The following TENM2 variants were observed in gnomAD, a reference collection of about 807,000 sequenced individuals.
The protein encoded by TENM2 is teneurin transmembrane protein 2, also known as teneurin-2.
A neutral mutation model predicts 245.2 loss-of-function variants in TENM2; 52 were observed. The ratio of observed to expected loss-of-function variants is 0.21; its 90% CI spans 0.17 to 0.27. The LOEUF (loss-of-function observed/expected upper bound fraction) is 0.27, where lower values mean the gene tolerates loss of function less well. Ranked by LOEUF, TENM2 falls within the 10% of genes least tolerant of loss-of-function variation. The pLI, the probability that TENM2 is intolerant of heterozygous loss-of-function variation, is 1.00. For missense variants in TENM2, 3,046 were observed against 3,666.8 expected, an observed-to-expected ratio of 0.83 and a Z score of 4.37; for synonymous variants, 1,363 against 1,438.9, an observed-to-expected ratio of 0.95 and a Z score of 1.19.
intron 2 of TENM2, among the ~76,000 whole-genome samples, chr5:167,789,479 T>G (rs558936194): frequency 1.3e-5 from 2 of 152,304 alleles, no homozygotes; most frequent in African/African-American, 4.8e-5. Flanking sequence ...TTCCAACATT[T>G]CTTCTCTGGA....
chr5:168,088,064 A>G (rs1792614542), intron 7 of TENM2, among the ~76,000 whole-genome samples: 2 of 152,150 alleles, frequency 1.3e-5, no homozygotes. Context: ...ACTAGTCCTA[A>G]GCCATTTCTG....
intron 2 of TENM2, among the ~76,000 whole-genome samples, chr5:167,790,609 G>A (rs1417569128): frequency 6.6e-6 from 1 of 152,072 alleles, no homozygotes; most frequent in East Asian, 1.9e-4. Flanking sequence ...AACTGTTCTC[G>A]TCACCCCTCA....
At chr5:167,721,099 A>G (rs1561705215) in intron 2 of TENM2, among the ~76,000 whole-genome samples, 1 of 152,188 alleles carries the variant, frequency 6.6e-6, no homozygotes, top group African/African-American at 2.4e-5. Context: ...ACTTACTACA[A>G]TATTAAGGGA....
intron 3 of TENM2, among the ~76,000 whole-genome samples, chr5:167,934,123 T>G (rs1778507677): frequency 6.6e-6 from 1 of 152,164 alleles, no homozygotes; most frequent in Non-Finnish European, 1.5e-5. Flanking sequence ...TGGGACTGAT[T>G]CCCCCAGAAC....
intron 5 of TENM2, among the ~76,000 whole-genome samples, chr5:168,036,707 G>GTA (rs202165206): frequency 0.33 from 37,667 of 113,840 alleles, 6,489 homozygotes; most frequent in African/African-American, 0.45. Context: ...ATATGTATGT[G>GTA]TATATATATG....
At chr5:167,657,524 G>A (rs1254964401) in intron 2 of TENM2, among the ~76,000 whole-genome samples, 5 of 152,188 alleles carry the variant, frequency 3.3e-5, no homozygotes, top group Admixed American at 6.5e-5. Context: ...TGGATCATAT[G>A]GTAGTTTTAT....
intron 2 of TENM2, among the ~76,000 whole-genome samples, chr5:167,459,903 T>C (rs966743582): frequency 1.4e-5 from 2 of 138,740 alleles, no homozygotes; most frequent in African/African-American, 5.4e-5. Context: ...TCCTTGTATA[T>C]AAAGATAAAC....
intron 1 of TENM2, among the ~76,000 whole-genome samples, chr5:167,319,067 A>G (rs1756555834): frequency 6.6e-6 from 1 of 152,222 alleles, no homozygotes; most frequent in African/African-American, 2.4e-5. Context: ...CAATTGATAT[A>G]CAGTTGGCCA....
chr5:168,062,051 T>A lies in TENM2; in HGVS notation c.1310-9T>A. On this transcript the variant is annotated splice_polypyrimidine_tract_variant and intron_variant, in intron 6 of 28. Coordinates refer to ENST00000518659, the Ensembl canonical transcript of TENM2. Reference sequence around the variant, plus strand: ...ATTGACTGCTGTTTATTCCTTTTTTTTTTTTCAGTGCCCTGGTCGTTGAAA... The same window carrying A: ...ATTGACTGCTGTTTATTCCTTTTTTATTTTTCAGTGCCCTGGTCGTTGAAA... 1 of 1,603,722 alleles carries A rather than the reference T, an allele frequency of 6.2e-7. No individual in the cohort carries two copies. The highest frequency in any genetic ancestry group is 1.3e-5 in the African/African-American group (1 of 74,424).
Position 167,868,663 on chromosome 5 carries a change from C to A in TENM2, c.503-7323C>A, listed in dbSNP as rs10061595. ...GAGGCATGAGAATCACTTGAACCTA[C>A]GAGGCAGAGGTTGCAGTAGCCAAGA... On this transcript the variant is annotated intron_variant, in intron 2 of 28. Coordinates refer to ENST00000518659, the Ensembl canonical transcript of TENM2. Among the ~76,000 whole-genome samples, 352 of 147,006 alleles carry A rather than the reference C, an allele frequency of 2.4e-3. 3 individuals are homozygous for A. The highest frequency in any genetic ancestry group is 8.1e-3 in the African/African-American group (325 of 39,940).
intron 2 of TENM2, among the ~76,000 whole-genome samples, chr5:167,850,562 A>G (rs981767680): frequency 6.6e-6 from 1 of 152,248 alleles, no homozygotes; most frequent in African/African-American, 2.4e-5. Context: ...AAATTTTTAA[A>G]TGAGAAAATT....
At chr5:167,589,520 A>G (rs1421341964) in intron 2 of TENM2, among the ~76,000 whole-genome samples, 4 of 152,190 alleles carry the variant, frequency 2.6e-5, no homozygotes, top group African/African-American at 9.6e-5. Flanking sequence ...ATATTCCCCA[A>G]TAAGTTTATG....
intron 3 of TENM2, among the ~76,000 whole-genome samples, chr5:167,889,395 T>C (rs538155773): frequency 2.6e-5 from 4 of 152,320 alleles, no homozygotes; most frequent in African/African-American, 9.6e-5. Flanking sequence ...CATTCACACT[T>C]GACTAGGATC....
At chr5:167,540,838 T>TG (rs1772159227) in intron 2 of TENM2, among the ~76,000 whole-genome samples, 1 of 152,176 alleles carries the variant, frequency 6.6e-6, no homozygotes, top group South Asian at 2.1e-4. Flanking sequence ...AAGAGTTGAA[T>TG]GGGATTACTT....
the TENM2 span, among the ~76,000 whole-genome samples, chr5:167,067,513 C>T: frequency 6.6e-6 from 1 of 152,198 alleles, no homozygotes; most frequent in Admixed American, 6.5e-5. Context: ...GAAATGCTGT[C>T]TTAAAGAGTG....
At chr5:167,416,769 C>G (rs1581982030) in intron 2 of TENM2, among the ~76,000 whole-genome samples, 1 of 152,090 alleles carries the variant, frequency 6.6e-6, no homozygotes, top group Non-Finnish European at 1.5e-5. Flanking sequence ...AACATGCTTA[C>G]TGACATTCTA....
the TENM2 span, among the ~76,000 whole-genome samples, chr5:167,146,022 G>A: frequency 6.6e-6 from 1 of 152,100 alleles, no homozygotes; most frequent in Non-Finnish European, 1.5e-5. Context: ...TTATCGGACT[G>A]CTTTATGCTG....
chr5:167,241,476 C>T, the TENM2 span, among the ~76,000 whole-genome samples: 1 of 152,092 alleles, frequency 6.6e-6, no homozygotes, highest in African/African-American at 2.4e-5. Context: ...TCCTGAAGAG[C>T]AGAAGGAGGC....
chr5:167,632,322 A>T (rs1582599701), intron 2 of TENM2, among the ~76,000 whole-genome samples: 2 of 152,332 alleles, frequency 1.3e-5, no homozygotes, highest in African/African-American at 4.8e-5. Context: ...CTCAAGAAAA[A>T]GGAAGTTCTT....
Sources: allele counts gnomAD v4.1 joint callset (sites outside exome capture counted in the v4.1 genomes callset), GRCh38; gene constraint gnomAD v4.1.1; transcripts MANE v1.5; gene names NCBI Gene and HGNC (gene_info 2026-07-23, HGNC 2026-07-21).